DNAH9: variants seen among roughly 807,000 people sequenced by gnomAD.
DNAH9 encodes the protein DNAH9 variant protein.
A neutral mutation model predicts 471.6 loss-of-function variants in DNAH9; 345 were observed. The ratio of observed to expected loss-of-function variants is 0.73; its 90% CI spans 0.67 to 0.80. The LOEUF is 0.80. DNAH9 is among the 30% of genes least tolerant of loss of function. The pLI is 0.00. For synonymous variants in DNAH9, 2,093 were observed against 2,123.6 expected (o/e 0.99, Z 0.40); for missense variants, 5,407 against 5,609.2 (o/e 0.96, Z 1.15).
intron 55 of DNAH9, among the ~76,000 whole-genome samples, chr17:11,881,933 C>T (rs1333466113): frequency 6.6e-6 from 1 of 151,800 alleles, no homozygotes; most frequent in African/African-American, 2.4e-5. Flanking sequence ...AAAAAAACAG[C>T]TTGGAGACTG....
intron 17 of DNAH9, among the ~76,000 whole-genome samples, chr17:11,673,606 T>G (rs927844306): frequency 2.0e-5 from 3 of 151,740 alleles, no homozygotes; most frequent in Non-Finnish European, 2.9e-5. Flanking sequence ...TATTTGTTTT[T>G]TTTTTTTTTT....
At chr17:11,781,295 CTT>C (rs2150894678) in intron 39 of DNAH9, 121 bp downstream of exon 39, 1 of 1,091,388 alleles carries the variant, frequency 9.2e-7, no homozygotes, top group East Asian at 2.7e-5. Flanking sequence ...AGATGGGAAT[CTT>C]TGTGGTAAAC....
At chr17:11,939,791 G>A (rs1974837466) in intron 66 of DNAH9, among the ~76,000 whole-genome samples, 1 of 149,704 alleles carries the variant, frequency 6.7e-6, no homozygotes, top group Non-Finnish European at 1.5e-5. Context: ...GAGAAGGGAG[G>A]TTGGCATGTT....
chr17:11,650,063 A>G (rs1472936617), intron 12 of DNAH9, among the ~76,000 whole-genome samples: 10 of 152,182 alleles, frequency 6.6e-5, no homozygotes, highest in South Asian at 4.1e-4. Context: ...CTTTCTTTTA[A>G]TTATTTTCTT....
Position 11,807,878 on chromosome 17 carries a change from A to G in DNAH9, c.8567A>G (p.Gln2856Arg). Residue 2856 changes from glutamine (Q) to arginine (R), a missense_variant, in exon 44 of 69, where the codon CAG becomes CGG. Coordinates refer to ENST00000262442, the MANE Select transcript of DNAH9 (RefSeq NM_001372.4). ...CAGATCACACTGCGCAAAGGCTACC[A>G]GATCCAGGACTTCAAGGTAAAAGGT... ...VFQITLRKGY[Q>R]IQDFKMDLAS... The G allele has an allele frequency of 6.2e-7, 1 of 1,608,374 alleles. No individual in the cohort carries two copies. The highest frequency in any genetic ancestry group is 8.5e-7 in the Non-Finnish European group (1 of 1,175,322).
intron 48 of DNAH9, among the ~76,000 whole-genome samples, chr17:11,825,708 G>A (rs1477835530): frequency 6.6e-6 from 1 of 152,188 alleles, no homozygotes; most frequent in Non-Finnish European, 1.5e-5. Flanking sequence ...TTGAAAGCAA[G>A]ACCAAAGTGA....
In DNAH9 at chr17:11,834,832, G is replaced by A. The variant is rs2150953621; in HGVS notation, c.9441G>A (p.Glu3147=). The part of the protein sequence containing the change: ...LEVKQKQKDC[E]EDLAKAEPAL... ...TGAAACAGAAGCAGAAGGACTGTGA[G>A]GAGGACCTGGCAAAGGCTGAGCCAG... Residue 3147 remains glutamate (E), a synonymous_variant, in exon 49 of 69, where the codon GAG becomes GAA. Coordinates refer to ENST00000262442, the MANE Select transcript of DNAH9 (RefSeq NM_001372.4). 3 of 1,614,052 alleles carry A rather than the reference G, an allele frequency of 1.9e-6. No homozygotes were observed. The highest frequency in any genetic ancestry group is 2.2e-5 in the South Asian group (2 of 91,056).
chr17:11,617,542 TG>T lies in DNAH9; in HGVS notation c.1039del (p.Ala347ProfsTer12). ...RPLLHVVCLI[W>X]ATCKSYRSPG... is the part of the protein sequence containing the mutation. Reference sequence around the variant, plus strand: ...CCTGCTCCACGTGGTCTGTCTGATTTGGGCCACATGCAAGTCCTACCGCTCC... The same window carrying T: ...CCTGCTCCACGTGGTCTGTCTGATTTGGCCACATGCAAGTCCTACCGCTCC... On this transcript the variant is annotated frameshift_variant, in exon 5 of 69. Coordinates refer to ENST00000262442, the MANE Select transcript of DNAH9 (RefSeq NM_001372.4). LOFTEE classifies it high-confidence loss of function. The T allele has an allele frequency of 6.2e-7, 1 of 1,614,128 alleles. No homozygotes were observed. The highest frequency in any genetic ancestry group is 8.5e-7 in the Non-Finnish European group (1 of 1,180,016).
chr17:11,777,770 T>C (rs184714377), intron 38 of DNAH9, among the ~76,000 whole-genome samples: 52 of 152,346 alleles, frequency 3.4e-4, no homozygotes, highest in African/African-American at 1.2e-3. Flanking sequence ...TCAAAGGGCA[T>C]TGTGCTTACA....
Position 11,598,545 on chromosome 17 carries a change from A to G in DNAH9, c.47A>G (p.Asp16Gly), listed in dbSNP as rs2072307855. 7.1e-7 allele frequency: 1 copy of G among 1,408,018 alleles called. No homozygotes were observed. The highest frequency in any genetic ancestry group is 9.2e-7 in the Non-Finnish European group (1 of 1,088,556). 87.2% of individuals were successfully genotyped at this position (1,408,018 alleles called of 1,614,324 possible). Residue 16 changes from aspartate (D) to glycine (G), a missense_variant, in exon 1 of 69, where the codon GAT (aspartate) becomes GGT (glycine). Around this residue, in one of 3 missense-constraint regions of DNAH9, gnomAD observed 767 missense variants for 692.5 expected, o/e 1.11. Transcript: ENST00000262442. ...ERAALAAENA[D>G]GEPGADRRLR... Reference sequence around the variant, plus strand: ...GCCGCGCTCGCGGCGGAGAACGCGGATGGGGAACCCGGCGCCGACCGACGA... The same window carrying G: ...GCCGCGCTCGCGGCGGAGAACGCGGGTGGGGAACCCGGCGCCGACCGACGA...
Position 11,699,796 on chromosome 17 carries a change from T to G in DNAH9, c.4938T>G (p.Ser1646Arg), listed in dbSNP as rs775441023. ...MAKMRFQLDA[S>R]GEPTKTSLGM... ...AGATGCGATTCCAGCTAGATGCCAG[T>G]GGGGAACCAACCAAGACAAGCCTCG... The change falls in exon 23 of 69, where the codon AGT (serine) becomes AGG (arginine). Residue 1646 changes from serine (S) to arginine (R), a missense_variant. Ser to Arg is a moderately radical substitution (Grantham distance 110). Transcript: ENST00000262442. 63 of 1,614,068 alleles carry G rather than the reference T, an allele frequency of 3.9e-5. 1 individual carries two copies. The highest frequency in any genetic ancestry group is 1.6e-4 in the Middle Eastern group (1 of 6,084).
chr17:11,800,831 G>C (rs1265986158), intron 43 of DNAH9, among the ~76,000 whole-genome samples: 1 of 152,172 alleles, frequency 6.6e-6, no homozygotes, highest in African/African-American at 2.4e-5. Flanking sequence ...TAAGTGCCGG[G>C]ATCCTAACCT....
intron 21 of DNAH9, 54 bp from the exon 22 acceptor site, chr17:11,694,267 T>C: frequency 6.3e-7 from 1 of 1,593,322 alleles, no homozygotes; most frequent in Non-Finnish European, 8.6e-7. Flanking sequence ...AATGTATGTG[T>C]ATCCATGGGT....
At chr17:11,688,513 G>A (rs2074277907) in intron 19 of DNAH9, among the ~76,000 whole-genome samples, 1 of 152,244 alleles carries the variant, frequency 6.6e-6, no homozygotes, top group South Asian at 2.1e-4. Flanking sequence ...GCCACTCACA[G>A]TGGTTCACCA....
chr17:11,680,094 G>A (rs567716777), intron 18 of DNAH9, 115 bp downstream of exon 18: 23 of 788,930 alleles, frequency 2.9e-5, no homozygotes, highest in African/African-American at 1.9e-4. Context: ...TGCAAGATCC[G>A]TGTTTTGGAA....
At chr17:11,864,977 AT>A (rs1373011722) in intron 50 of DNAH9, among the ~76,000 whole-genome samples, 1 of 152,080 alleles carries the variant, frequency 6.6e-6, no homozygotes, top group Non-Finnish European at 1.5e-5. Context: ...TCTTTATCCA[AT>A]TTGCCAGTCT....
chr17:11,877,469 TGTC>T (rs1972543127), intron 53 of DNAH9, among the ~76,000 whole-genome samples: 2 of 74,486 alleles, frequency 2.7e-5, no homozygotes, highest in Non-Finnish European at 4.9e-5. Flanking sequence ...ACGAAAACTC[TGTC>T]TAAAAAAAAA....
intron 17 of DNAH9, among the ~76,000 whole-genome samples, chr17:11,676,143 TAGTA>T (rs2074045684): frequency 1.3e-5 from 2 of 152,144 alleles, no homozygotes; most frequent in African/African-American, 2.4e-5. Flanking sequence ...AAGTCACTTT[TAGTA>T]AGTCATATTT....
intron 35 of DNAH9, among the ~76,000 whole-genome samples, chr17:11,762,770 G>GTTTTGTTTT (rs1967747335): frequency 1.5e-4 from 14 of 90,790 alleles, no homozygotes; most frequent in East Asian, 6.6e-4. Context: ...TTTTTTTTTT[G>GTTTTGTTTT]TTTTTTTTTT....
Sources: gnomAD v4.1 joint callset for allele counts (sites outside exome capture counted in the v4.1 genomes callset) on GRCh38, gnomAD v4.1.1 for gene constraint, gnomAD v4.1.1 regional missense constraint, MANE v1.5 for transcripts, NCBI Gene and HGNC (gene_info 2026-07-23, HGNC 2026-07-21) for gene names.